Variants in FAM227B observed in about 807,000 individuals in gnomAD.
FAM227B encodes the protein protein FAM227B.
In FAM227B, 88 loss-of-function variants were observed where a neutral mutation model predicts 73.8. The observed-to-expected ratio is 1.19, with a 90% CI of 1.00 to 1.42. FAM227B has a LOEUF of 1.42. Among genes scored for constraint, FAM227B ranks in the 40% most tolerant of loss-of-function variants. The pLI is 0.00. For missense variants in FAM227B, 632 were observed against 590.9 expected (o/e 1.07, Z -0.72); for synonymous variants, 210 against 190.5 (o/e 1.10, Z -0.84).
intron 11 of FAM227B, among the ~76,000 whole-genome samples, chr15:49,506,362 C>T (rs1208502690): frequency 6.6e-6 from 1 of 151,926 alleles, no homozygotes; most frequent in Non-Finnish European, 1.5e-5. Context: ...ATTCTAAGTT[C>T]ATAGAATGTA....
chr15:49,609,264 G>A (rs1405056251), intron 3 of FAM227B, among the ~76,000 whole-genome samples: 1 of 151,790 alleles, frequency 6.6e-6, no homozygotes, highest in African/African-American at 2.4e-5. Context: ...AGAGAAATGA[G>A]AGGATAAAAA....
intron 9 of FAM227B, among the ~76,000 whole-genome samples, chr15:49,563,732 A>G (rs1009572245): frequency 2.6e-5 from 4 of 152,196 alleles, no homozygotes; most frequent in African/African-American, 9.6e-5. Flanking sequence ...CAAAACAAGC[A>G]ATCAGGAAAG....
chr15:49,413,404 G>A (rs1390427058), intron 11 of FAM227B, among the ~76,000 whole-genome samples: 1 of 152,078 alleles, frequency 6.6e-6, no homozygotes, highest in Non-Finnish European at 1.5e-5. Flanking sequence ...CAACCATGTG[G>A]AACTGTGGGT....
intron 11 of FAM227B, among the ~76,000 whole-genome samples, chr15:49,479,251 CTCTTT>C (rs1247282380): frequency 1.3e-5 from 2 of 151,938 alleles, no homozygotes; most frequent in African/African-American, 2.4e-5. Context: ...GATTCTCTCT[CTCTTT>C]TATTTATATT....
chr15:49,504,875 C>T (rs780026000), intron 11 of FAM227B, among the ~76,000 whole-genome samples: 4 of 152,122 alleles, frequency 2.6e-5, no homozygotes, highest in Non-Finnish European at 4.4e-5. Context: ...AACCATGCTG[C>T]TCTGTCATCC....
At chr15:49,571,506 A>C (rs2075102450) in intron 8 of FAM227B, among the ~76,000 whole-genome samples, 1 of 151,838 alleles carries the variant, frequency 6.6e-6, no homozygotes, top group Non-Finnish European at 1.5e-5. Context: ...TAAGTCTTTA[A>C]TTCATGCTGA....
At chr15:49,420,915 C>A (rs140722595) in intron 11 of FAM227B, among the ~76,000 whole-genome samples, 2 of 152,146 alleles carry the variant, frequency 1.3e-5, no homozygotes, top group East Asian at 3.9e-4. Flanking sequence ...ACTGTGTTAG[C>A]CAGGATGGTC....
intron 12 of FAM227B, among the ~76,000 whole-genome samples, chr15:49,370,702 C>T (rs1396966694): frequency 6.6e-6 from 1 of 152,098 alleles, no homozygotes; most frequent in Non-Finnish European, 1.5e-5. Context: ...AAGACTGTAA[C>T]CAACTTAAAA....
chr15:49,506,473 A>AT (rs1204184840), intron 11 of FAM227B, among the ~76,000 whole-genome samples: 5 of 151,856 alleles, frequency 3.3e-5, no homozygotes, highest in Admixed American at 6.6e-5. Context: ...TCTAATTGAG[A>AT]TTTTTTTTAA....
chr15:49,365,908 C>A (rs2045092308), intron 13 of FAM227B: 2 of 967,298 alleles, frequency 2.1e-6, no homozygotes, highest in Non-Finnish European at 1.7e-6. Flanking sequence ...GTTGTACAGA[C>A]TCATTGCTGA....
intron 10 of FAM227B, among the ~76,000 whole-genome samples, chr15:49,540,474 G>A (rs557492100): frequency 1.3e-5 from 2 of 152,098 alleles, no homozygotes; most frequent in Non-Finnish European, 2.9e-5. Context: ...GACTATTTTT[G>A]TTCATGGGTA....
chr15:49,485,631 A>T (rs2056344174), intron 11 of FAM227B: 1 of 152,480 alleles, frequency 6.6e-6, no homozygotes, highest in Non-Finnish European at 1.5e-5. Context: ...AAGGCAGACA[A>T]AAATAAGAGC....
intron 11 of FAM227B, among the ~76,000 whole-genome samples, chr15:49,473,506 G>A (rs1417182528): frequency 6.6e-6 from 1 of 151,978 alleles, no homozygotes; most frequent in Non-Finnish European, 1.5e-5. Context: ...AATGGGTCTG[G>A]CAATAAACAC....
At chr15:49,486,617 A>T (rs1020202947) in intron 11 of FAM227B, 7 of 152,004 alleles carry the variant, frequency 4.6e-5, no homozygotes, top group Non-Finnish European at 8.8e-5. Context: ...GTGTATATAC[A>T]TATAAAATAC....
At chr15:49,478,722 A>G (rs2055602449) in intron 11 of FAM227B, among the ~76,000 whole-genome samples, 1 of 152,150 alleles carries the variant, frequency 6.6e-6, no homozygotes, top group Non-Finnish European at 1.5e-5. Flanking sequence ...ATTAATATAT[A>G]CCCCTTCAAA....
chr15:49,546,101 G>A (rs1236695788), intron 9 of FAM227B, among the ~76,000 whole-genome samples: 5 of 151,858 alleles, frequency 3.3e-5, no homozygotes, highest in East Asian at 3.9e-4. Context: ...AATGCTATCC[G>A]TCCCCCCTCC....
At chr15:49,455,660 G>C (rs1305104486) in intron 11 of FAM227B, among the ~76,000 whole-genome samples, 1 of 152,114 alleles carries the variant, frequency 6.6e-6, no homozygotes, top group Non-Finnish European at 1.5e-5. Flanking sequence ...TTTCTAAACA[G>C]ACATATTTTT....
rs956780687 is a variant in FAM227B, at chr15:49,542,187, T to C, written c.748-381A>G. ...TGTGCAGGTTTCTTATATAGGTAAA[T>C]TGCATGTTAAGAAGGTTTTGTGAAC... is the stretch of plus-strand genomic sequence containing the variant. On this transcript the variant is annotated intron_variant, in intron 9 of 15. Coordinates refer to ENST00000299338, the MANE Select transcript of FAM227B (RefSeq NM_152647.3). 2.6e-5 allele frequency among the ~76,000 whole-genome samples: 4 copies of C among 152,214 alleles called. 1 individual carries two copies. The South Asian group carries it at 8.3e-4, about 32-fold the overall frequency.
At chr15:49,383,900 G>A (rs1056853981) in intron 11 of FAM227B, among the ~76,000 whole-genome samples, 11 of 152,012 alleles carry the variant, frequency 7.2e-5, no homozygotes, top group Non-Finnish European at 1.6e-4. Flanking sequence ...TCTACCATTT[G>A]TCATTCTCCC....
Sources: allele counts gnomAD v4.1 joint callset (sites outside exome capture counted in the v4.1 genomes callset), GRCh38; gene constraint gnomAD v4.1.1; transcripts MANE v1.5; gene names NCBI Gene and HGNC (gene_info 2026-07-23, HGNC 2026-07-21).